Variants in C8orf88 observed in about 807,000 individuals in gnomAD.
C8orf88 encodes the protein chromosome 8 open reading frame 88, also known as uncharacterized protein C8orf88.
A neutral mutation model predicts 18.4 loss-of-function variants in C8orf88; 14 were observed. The ratio of observed to expected loss-of-function variants is 0.76; its 90% CI spans 0.50 to 1.19. The LOEUF (loss-of-function observed/expected upper bound fraction) is 1.19, where lower values mean the gene tolerates loss of function less well. Ranked by LOEUF, C8orf88 falls within the 50% of genes most tolerant of loss-of-function variation. The probability of loss-of-function intolerance (pLI) is 0.00; values close to 1 mark genes in which losing one functional copy is unlikely to be tolerated. For synonymous variants in C8orf88, 45 were observed against 42.9 expected, an observed-to-expected ratio of 1.05 and a Z score of -0.19; for missense variants, 116 against 134.7, an observed-to-expected ratio of 0.86 and a Z score of 0.69.
intron 4 of C8orf88, among the ~76,000 whole-genome samples, chr8:90,966,904 A>AGATATTGTT (rs1309280489): frequency 6.6e-6 from 1 of 151,978 alleles, no homozygotes. Context: ...TCTACTGAAC[A>AGATATTGTT]GATATTGTTT....
intron 4 of C8orf88, among the ~76,000 whole-genome samples, chr8:90,965,466 TCAA>T (rs1289278333): frequency 2.6e-5 from 4 of 151,584 alleles, no homozygotes; most frequent in Non-Finnish European, 5.9e-5. Flanking sequence ...TAACAGAAGA[TCAA>T]CAAGAAAACA....
intron 4 of C8orf88, among the ~76,000 whole-genome samples, chr8:90,964,063 T>C (rs532400501): frequency 1.3e-5 from 2 of 151,788 alleles, no homozygotes; most frequent in Admixed American, 6.6e-5. Flanking sequence ...ATTCAAGATT[T>C]CCAACTTTAA....
rs1738450187 is a variant in C8orf88 at position 90,971,054 on chromosome 8, A to T, written c.223+12T>A. 1.4e-6 allele frequency: 2 copies of T among 1,479,406 alleles called. No homozygotes were observed. Among genetic ancestry groups the T allele is most frequent in the Admixed American group, 2.2e-5 (1 of 46,382 alleles). The allele number at this position is 1,479,406 out of a possible 1,614,324, so 91.6% of individuals were successfully genotyped here. On this transcript the variant is annotated intron_variant, in intron 4 of 5. Transcript: ENST00000517562. ...TTCAATGATAAAATTGGGAATTATG[A>T]TAAAATTTTACCTTTCTTAACTGGA...
chr8:90,972,508 T>C (rs976956747), intron 3 of C8orf88, among the ~76,000 whole-genome samples: 1 of 151,954 alleles, frequency 6.6e-6, no homozygotes, highest in Admixed American at 6.6e-5. Flanking sequence ...AGATCTAAAA[T>C]CAAACTTGAA....
chr8:90,969,190 C>G (rs1379130892), intron 4 of C8orf88, among the ~76,000 whole-genome samples: 1 of 151,712 alleles, frequency 6.6e-6, no homozygotes, highest in African/African-American at 2.4e-5. Flanking sequence ...ATATTATTCA[C>G]AATAGCCAAG....
chr8:90,958,867 C>A lies in C8orf88; in HGVS notation c.*140G>T. 1.8e-6 allele frequency: 1 copy of A among 565,014 alleles called. No individual in the cohort carries two copies. The highest frequency in any genetic ancestry group is 2.2e-5 in the South Asian group (1 of 44,914). The allele number at this position is 565,014 out of a possible 1,614,324, so 35.0% of individuals were successfully genotyped here. On this transcript the variant is annotated 3_prime_UTR_variant, in exon 6 of 6. Coordinates refer to ENST00000517562, the MANE Select transcript of C8orf88 (RefSeq NM_001190972.2). ...AAATTCTTTATATTTTAAAATAGCT[C>A]TTTCTCATTTTTAGAGAAGTCAAAT...
chr8:90,960,815 T>C lies in C8orf88; in HGVS notation c.257A>G (p.Lys86Arg). 6.5e-7 allele frequency: 1 copy of C among 1,530,986 alleles called. No individual in the cohort carries two copies. The highest frequency in any genetic ancestry group is 8.7e-7 in the Non-Finnish European group (1 of 1,143,156). 94.8% of individuals were successfully genotyped at this position (1,530,986 alleles called of 1,614,324 possible). Residue 86 changes from lysine to arginine, a missense_variant, in exon 5 of 6, where the codon AAG becomes AGG. Lys to Arg is a conservative substitution (Grantham distance 26). Coordinates refer to ENST00000517562, the MANE Select transcript of C8orf88 (RefSeq NM_001190972.2). ...RIKYSRDFLLKLSSVSICRKK... is the reference protein window; with the variant it reads ...RIKYSRDFLLRLSSVSICRKK... Reference sequence around the variant, plus strand: ...TCTGCAGATGGAAACACTTGAGAGCTTCAACAGGAAATCTCTGCTGTATTT... The same window carrying C: ...TCTGCAGATGGAAACACTTGAGAGCCTCAACAGGAAATCTCTGCTGTATTT...
chr8:90,983,474 A>T (rs924595676), intron 1 of C8orf88, among the ~76,000 whole-genome samples: 2 of 152,122 alleles, frequency 1.3e-5, no homozygotes, highest in African/African-American at 2.4e-5. Context: ...TTTTCTTTTT[A>T]AAAAATTTAC....
chr8:90,965,256 T>C (rs534875958), intron 4 of C8orf88, among the ~76,000 whole-genome samples: 5 of 151,628 alleles, frequency 3.3e-5, no homozygotes, highest in Admixed American at 6.6e-5. Context: ...AAATAGACAT[T>C]AAGACAAAAA....
chr8:90,968,277 A>T (rs1208680298), intron 4 of C8orf88, among the ~76,000 whole-genome samples: 1 of 151,686 alleles, frequency 6.6e-6, no homozygotes, highest in Admixed American at 6.6e-5. Flanking sequence ...TTAAACACAT[A>T]CACCTATAGT....
intron 4 of C8orf88, among the ~76,000 whole-genome samples, chr8:90,970,450 T>A (rs976517776): frequency 2.0e-5 from 3 of 152,044 alleles, no homozygotes; most frequent in African/African-American, 4.8e-5. Context: ...TTTATTTTAT[T>A]TTTAAAATAG....
intron 3 of C8orf88, among the ~76,000 whole-genome samples, chr8:90,973,665 G>A (rs1292913987): frequency 1.3e-5 from 2 of 151,978 alleles, no homozygotes; most frequent in Admixed American, 1.3e-4. Flanking sequence ...AAAAGTTTTT[G>A]TAGAGACAAG....
chr8:90,961,766 CCACCA>C (rs1811131026), intron 4 of C8orf88, among the ~76,000 whole-genome samples: 1 of 151,250 alleles, frequency 6.6e-6, no homozygotes, highest in South Asian at 2.1e-4. Flanking sequence ...AAAGCAAAAG[CCACCA>C]CAGATAATAT....
chr8:90,967,818 T>C (rs550998594), intron 4 of C8orf88, among the ~76,000 whole-genome samples: 144 of 151,822 alleles, frequency 9.5e-4, no homozygotes, highest in Non-Finnish European at 1.5e-3. Flanking sequence ...AAAGATTCCA[T>C]TTACAATAGC....
chr8:90,964,015 G>GACTT (rs1161950568), intron 4 of C8orf88, among the ~76,000 whole-genome samples: 1 of 151,626 alleles, frequency 6.6e-6, no homozygotes, highest in Non-Finnish European at 1.5e-5. Flanking sequence ...ATGATGGTTT[G>GACTT]ACTTACAATT....
At chr8:90,963,141 A>G (rs982467166) in intron 4 of C8orf88, among the ~76,000 whole-genome samples, 3 of 151,668 alleles carry the variant, frequency 2.0e-5, no homozygotes, top group African/African-American at 7.3e-5. Flanking sequence ...AGGCTGAAAG[A>G]GGGGCTTCTT....
rs184209578 is a variant in C8orf88, at chr8:90,970,915, A to T, written c.223+151T>A. The T allele has an allele frequency of 5.1e-4, 235 of 459,568 alleles. 1 individual carries two copies. Among genetic ancestry groups the T allele is most frequent in the Admixed American group, 4.6e-4 (12 of 26,022 alleles). The allele number at this position is 459,568 out of a possible 1,614,324, so 28.5% of individuals were successfully genotyped here. On this transcript the variant is annotated intron_variant, in intron 4 of 5. Transcript: ENST00000517562. ...CTGGTCTCTCCTTGAAAGCAGTCAA[A>T]GTGGTAGCCTGACTCATATAGATAG...
At chr8:90,962,456 A>C (rs1261891208) in intron 4 of C8orf88, among the ~76,000 whole-genome samples, 1 of 151,600 alleles carries the variant, frequency 6.6e-6, no homozygotes, top group Non-Finnish European at 1.5e-5. Context: ...GCTCATAAAA[A>C]CTGTCAGAAT....
intron 1 of C8orf88, 96 bp downstream of exon 1, chr8:90,985,018 G>A (rs1235671179): frequency 6.6e-6 from 1 of 152,476 alleles, no homozygotes; most frequent in African/African-American, 2.4e-5. Flanking sequence ...CAACTTTCCC[G>A]GGGTCGGGCC....
Sources: gnomAD v4.1 joint callset for allele counts (sites outside exome capture counted in the v4.1 genomes callset) on GRCh38, gnomAD v4.1.1 for gene constraint, MANE v1.5 for transcripts, NCBI Gene and HGNC (gene_info 2026-07-23, HGNC 2026-07-21) for gene names.